Variants in PEX16 observed in about 807,000 individuals in gnomAD.
The protein encoded by PEX16 is peroxin 16.
Under a neutral mutation model 50.5 loss-of-function variants are expected in PEX16, and 37 were observed. That is an observed-to-expected ratio of 0.73 (90% CI 0.56 to 0.96). PEX16 has a LOEUF of 0.96. PEX16 is among the 40% of genes least tolerant of loss of function. The pLI, the probability that PEX16 is intolerant of heterozygous loss-of-function variation, is 0.00. For missense variants in PEX16, 401 were observed against 438.3 expected, an observed-to-expected ratio of 0.91 and a Z score of 0.76; for synonymous variants, 185 against 190.3, an observed-to-expected ratio of 0.97 and a Z score of 0.23.
Position 45,913,956 on chromosome 11 carries a change from C to A in PEX16, c.768-18G>T, listed in dbSNP as rs374677338. The A allele has an allele frequency of 6.0e-5, 96 of 1,611,344 alleles. No homozygotes were observed. In the Middle Eastern group the frequency reaches 1.3e-3, roughly 22 times the overall value. ...GGCTCAGGCTGGGAGGCAGGGAGGA[C>A]ATGGTCAGGGCCAGGGGCATGATCT... On this transcript the variant is annotated intron_variant, in intron 8 of 10. Transcript: ENST00000378750.
Position 45,909,816 on chromosome 11 carries a change from G to A in PEX16, c.*438C>T, listed in dbSNP as rs2280328. The A allele has an allele frequency of 0.014, 7,250 of 530,004 alleles. 214 individuals carry two copies. The highest frequency in any genetic ancestry group is 0.064 in the African/African-American group (3,392 of 52,676). The allele number at this position is 530,004 out of a possible 1,614,324, so 32.8% of individuals were successfully genotyped here. ...GGCTGCCAGAGCCACAGGGCCCTGCGGAGAAGGGGCAGACGGAGGGCCCCA... is the reference window on the plus strand; with the variant it reads ...GGCTGCCAGAGCCACAGGGCCCTGCAGAGAAGGGGCAGACGGAGGGCCCCA... On this transcript the variant is annotated 3_prime_UTR_variant, in exon 11 of 11. Coordinates refer to ENST00000378750, the MANE Select transcript of PEX16 (RefSeq NM_004813.4).
At chr11:45,916,182 C>A (rs1185089573) in intron 3 of PEX16, 45 bp downstream of exon 3, 1 of 1,407,320 alleles carries the variant, frequency 7.1e-7, no homozygotes, top group South Asian at 1.2e-5. Context: ...CTATTTCATT[C>A]CTGAGTCCCC....
Position 45,910,176 on chromosome 11 carries a change from C to T in PEX16, c.*78G>A, listed in dbSNP as rs141070939. 7.7e-5 allele frequency: 124 copies of T among 1,612,280 alleles called. 2 individuals carry two copies. The highest frequency in any genetic ancestry group is 6.5e-4 in the South Asian group (59 of 91,014). ...GGCACGGAGAGGCCGCACGCTGGGACGCTGCCGGAGTCAGTTTTATTAGGG... is the reference window on the plus strand; with the variant it reads ...GGCACGGAGAGGCCGCACGCTGGGATGCTGCCGGAGTCAGTTTTATTAGGG... On this transcript the variant is annotated 3_prime_UTR_variant, in exon 11 of 11. Transcript: ENST00000378750.
At chr11:45,916,426 A>G in intron 2 of PEX16, 123 bp from the exon 3 acceptor site, 1 of 791,654 alleles carries the variant, frequency 1.3e-6, no homozygotes. Flanking sequence ...ACTATGTGGA[A>G]ACCAACCTTC....
In PEX16 at chr11:45,917,482, C is replaced by T. The variant is rs1396367948; in HGVS notation, c.124G>A (p.Asp42Asn). The part of the protein sequence containing the change: ...FSYLLAGRFA[D>N]SHELSELVYS... ...CCCAGCTCTGACAGCTCGTGCGAAT[C>T]GGCGAATCGACCTGGGGAGAGGGTA... The change falls in exon 2 of 11, where the codon GAT becomes AAT. Residue 42 changes from aspartate to asparagine, a missense_variant. Physicochemically the swap from Asp to Asn is conservative, Grantham distance 23. Transcript: ENST00000378750. The T allele has an allele frequency of 6.2e-7, 1 of 1,614,046 alleles. No individual in the cohort carries two copies. The highest frequency in any genetic ancestry group is 8.5e-7 in the Non-Finnish European group (1 of 1,180,004).
At chr11:45,916,529 G>T (rs938518600) in intron 2 of PEX16, among the ~76,000 whole-genome samples, 17 of 152,222 alleles carry the variant, frequency 1.1e-4, no homozygotes, top group African/African-American at 4.1e-4. Context: ...TCAGTGACAA[G>T]CCAGTTACTG....
At chr11:45,917,158 T>C (rs773067520) in intron 2 of PEX16, 18 of 675,908 alleles carry the variant, frequency 2.7e-5, no homozygotes, top group South Asian at 2.3e-4. Flanking sequence ...TGGACAGTGA[T>C]GACAATAAGT....
At chr11:45,918,103 AC>A, upstream of PEX16, 1 of 502,478 alleles carries the variant, frequency 2.0e-6, no homozygotes, top group Admixed American at 3.2e-5. Flanking sequence ...CGCCGTCAGC[AC>A]CCAGCTCTTC....
chr11:45,912,767 G>T (rs944189415), intron 9 of PEX16, among the ~76,000 whole-genome samples: 1 of 151,898 alleles, frequency 6.6e-6, no homozygotes, highest in Non-Finnish European at 1.5e-5. Flanking sequence ...CTCCCAAAGT[G>T]TTGGGATTAC....
Position 45,915,527 on chromosome 11 carries a change from C to G in PEX16, c.401G>C (p.Gly134Ala). Residue 134 changes from glycine to alanine, a missense_variant, in exon 5 of 11, where the codon GGC (glycine) becomes GCC (alanine). Coordinates refer to ENST00000378750, the MANE Select transcript of PEX16 (RefSeq NM_004813.4). ...RMLLLLWFKA[G>A]LQTSPPIVPL... ...AACGATAGGGGGTGAAGTCTGGAGG[C>G]CAGCCTTGAACCAGAGCAGCAGGAG... is the stretch of plus-strand genomic sequence containing the variant. 6.2e-7 allele frequency: 1 copy of G among 1,614,144 alleles called. No individual in the cohort carries two copies. The highest frequency in any genetic ancestry group is 8.5e-7 in the Non-Finnish European group (1 of 1,180,042).
chr11:45,914,247 G>A, intron 7 of PEX16, 44 bp from the exon 8 acceptor site: 1 of 1,613,296 alleles, frequency 6.2e-7, no homozygotes, highest in Non-Finnish European at 8.5e-7. Flanking sequence ...CAGGGGCCTT[G>A]CTCAGCACAC....
Position 45,917,487 on chromosome 11 carries a change from A to T in PEX16, c.119T>A (p.Phe40Tyr), listed in dbSNP as rs2086849601. Residue 40 changes from phenylalanine to tyrosine, a missense_variant, in exon 2 of 11, where the codon TTC (phenylalanine) becomes TAC (tyrosine). Coordinates refer to ENST00000378750, the MANE Select transcript of PEX16 (RefSeq NM_004813.4). ...CTCTGACAGCTCGTGCGAATCGGCG[A>T]ATCGACCTGGGGAGAGGGTACAGAA... ...RGFSYLLAGR[F>Y]ADSHELSELV... The T allele has an allele frequency of 1.2e-6, 2 of 1,613,936 alleles. No homozygotes were observed. Among genetic ancestry groups the T allele is most frequent in the Admixed American group, 3.3e-5 (2 of 60,010 alleles).
chr11:45,910,409 C>G, intron 10 of PEX16, 97 bp from the exon 11 acceptor site: 19 of 1,017,446 alleles, frequency 1.9e-5, no homozygotes, highest in Non-Finnish European at 2.9e-5. Flanking sequence ...GGAGCCAGCC[C>G]AGCTGGCTGT....
At chr11:45,916,539 G>A (rs2086837926) in intron 2 of PEX16, among the ~76,000 whole-genome samples, 1 of 152,206 alleles carries the variant, frequency 6.6e-6, no homozygotes, top group Admixed American at 6.5e-5. Flanking sequence ...GCCAGTTACT[G>A]CCCTGCTGGA....
In PEX16 at chr11:45,914,133, G is replaced by A; in HGVS notation, c.765C>T (p.Thr255=). The stretch of plus-strand genomic sequence containing the variant: ...GCCCCAGGCAGGCCCAGGCTCACCT[G>A]GTCACGTCCACAACACCAGCCAAGA... ...PWLLAGVVDV[T]SLSLLSDRKG... The change falls in exon 8 of 11, where the codon ACC becomes ACT. Residue 255 remains threonine (T), a splice_region_variant and synonymous_variant. Coordinates refer to ENST00000378750, the MANE Select transcript of PEX16 (RefSeq NM_004813.4). 1.3e-6 allele frequency: 2 copies of A among 1,598,330 alleles called. No individual in the cohort carries two copies. Among genetic ancestry groups the A allele is most frequent in the Non-Finnish European group, 1.7e-6 (2 of 1,172,198 alleles).
intron 2 of PEX16, chr11:45,917,107 T>A (rs2086844619): frequency 3.4e-6 from 2 of 592,030 alleles, no homozygotes; most frequent in Non-Finnish European, 6.3e-6. Context: ...TCTGGGACCA[T>A]CAGTGACTGT....
chr11:45,918,589 C>G (rs562867072), upstream of PEX16: 15 of 152,392 alleles, frequency 9.8e-5, no homozygotes, highest in African/African-American at 3.6e-4. Context: ...TCTCTCGGCT[C>G]GGTGGCCCTT....
chr11:45,917,674 G>A (rs1273259655), intron 1 of PEX16, 26 bp downstream of exon 1: 7 of 1,532,124 alleles, frequency 4.6e-6, no homozygotes, highest in East Asian at 4.9e-5. Context: ...GGCCCAGAAG[G>A]AACTGATCAA....
rs187304840 is a variant in PEX16, at chr11:45,912,744, C to T, written c.887+1075G>A. Among the ~76,000 whole-genome samples, 177 of 152,120 alleles carry T rather than the reference C, an allele frequency of 1.2e-3. 3 individuals carry two copies. Among genetic ancestry groups the T allele is most frequent in the African/African-American group, 4.1e-3 (171 of 41,518 alleles). On this transcript the variant is annotated intron_variant, in intron 9 of 10. Transcript: ENST00000378750. Reference sequence around the variant, plus strand: ...GTCTCTACCTCCCGACCTTGTGATCCGCCCGCCTCGGCCTCCCAAAGTGTT... The same window carrying T: ...GTCTCTACCTCCCGACCTTGTGATCTGCCCGCCTCGGCCTCCCAAAGTGTT...
Sources: allele counts gnomAD v4.1 joint callset (sites outside exome capture counted in the v4.1 genomes callset), GRCh38; gene constraint gnomAD v4.1.1; transcripts MANE v1.5; gene names NCBI Gene and HGNC (gene_info 2026-07-23, HGNC 2026-07-21).